The following STAU2 variants were observed in gnomAD, a reference collection of about 807,000 sequenced individuals.
The protein encoded by STAU2 is double-stranded RNA-binding protein Staufen homolog 2.
A neutral mutation model predicts 65.9 loss-of-function variants in STAU2; 20 were observed. The ratio of observed to expected loss-of-function variants is 0.30; its 90% confidence interval spans 0.21 to 0.44. The LOEUF (loss-of-function observed/expected upper bound fraction) is 0.44, where lower values mean the gene tolerates loss of function less well. STAU2 is among the 20% of genes least tolerant of loss of function. STAU2 has a pLI of 1.00. For missense variants in STAU2, 558 were observed against 683.9 expected (o/e 0.82, Z 2.05); for synonymous variants, 232 against 233.9 (o/e 0.99, Z 0.07).
At chr8:73,627,124 G>A (rs1187373756) in intron 6 of STAU2, among the ~76,000 whole-genome samples, 2 of 150,216 alleles carry the variant, frequency 1.3e-5, no homozygotes, top group Non-Finnish European at 3.0e-5. Flanking sequence ...GTTCCCCTGG[G>A]TGCTGCAGCA....
At chr8:73,495,849 T>C (rs1226677540) in intron 13 of STAU2, among the ~76,000 whole-genome samples, 1 of 151,382 alleles carries the variant, frequency 6.6e-6, no homozygotes, top group Non-Finnish European at 1.5e-5. Flanking sequence ...TTTGGAACTT[T>C]CTCTCACAAG....
chr8:73,507,512 A>G (rs1822135376), intron 13 of STAU2, among the ~76,000 whole-genome samples: 1 of 152,198 alleles, frequency 6.6e-6, no homozygotes, highest in Non-Finnish European at 1.5e-5. Flanking sequence ...GCTGTCATTC[A>G]GGCTTTGCTC....
At chr8:73,532,546 T>C (rs1292466404) in intron 13 of STAU2, among the ~76,000 whole-genome samples, 1 of 152,116 alleles carries the variant, frequency 6.6e-6, no homozygotes, top group African/African-American at 2.4e-5. Flanking sequence ...ACAGGTGTGG[T>C]GTGCCCAGGA....
At chr8:73,681,382 G>A (rs1036408684) in intron 5 of STAU2, among the ~76,000 whole-genome samples, 13 of 152,014 alleles carry the variant, frequency 8.6e-5, no homozygotes, top group Admixed American at 2.0e-4. Flanking sequence ...CATTAATGAC[G>A]GAAAGATAAA....
chr8:73,462,916 G>A (rs1029334044), intron 13 of STAU2, among the ~76,000 whole-genome samples: 1 of 152,118 alleles, frequency 6.6e-6, no homozygotes, highest in African/African-American at 2.4e-5. Context: ...AGCCAATGAT[G>A]GTGAAGAAAC....
intron 13 of STAU2, among the ~76,000 whole-genome samples, chr8:73,508,161 GCTAA>G (rs906890945): frequency 2.6e-5 from 4 of 152,126 alleles, no homozygotes; most frequent in African/African-American, 7.2e-5. Context: ...CCACAACTTG[GCTAA>G]CTATTTGGTA....
intron 6 of STAU2, among the ~76,000 whole-genome samples, chr8:73,660,385 C>T (rs895864736): frequency 6.6e-6 from 1 of 152,172 alleles, no homozygotes; most frequent in Non-Finnish European, 1.5e-5. Context: ...GCTGAGATCG[C>T]ATCATTGCAC....
chr8:73,463,595 C>G (rs1230354974), intron 13 of STAU2, among the ~76,000 whole-genome samples: 1 of 152,182 alleles, frequency 6.6e-6, no homozygotes, highest in Non-Finnish European at 1.5e-5. Flanking sequence ...TTTAGGTTTA[C>G]CGACTGATGT....
At chr8:73,719,623 T>C (rs1563527833) in intron 3 of STAU2, among the ~76,000 whole-genome samples, 2 of 152,222 alleles carry the variant, frequency 1.3e-5, no homozygotes. Flanking sequence ...ACACTACTGA[T>C]TTTTTGGAAC....
intron 4 of STAU2, among the ~76,000 whole-genome samples, chr8:73,695,695 G>A (rs1197953328): frequency 2.6e-5 from 4 of 152,090 alleles, no homozygotes; most frequent in South Asian, 2.1e-4. Context: ...CAGCATTTCC[G>A]GATCTACTTC....
intron 6 of STAU2, among the ~76,000 whole-genome samples, chr8:73,621,033 G>C (rs1813190590): frequency 6.6e-6 from 1 of 152,126 alleles, no homozygotes; most frequent in South Asian, 2.1e-4. Flanking sequence ...AGATCGATAT[G>C]TTCTATTTAG....
At chr8:73,458,394 T>C (rs1161397741) in intron 13 of STAU2, among the ~76,000 whole-genome samples, 1 of 152,258 alleles carries the variant, frequency 6.6e-6, no homozygotes, top group East Asian at 1.9e-4. Flanking sequence ...TTTTACTTTA[T>C]CAGTTCTTTG....
intron 13 of STAU2, among the ~76,000 whole-genome samples, chr8:73,538,901 A>G (rs984521940): frequency 6.6e-6 from 1 of 152,182 alleles, no homozygotes; most frequent in Non-Finnish European, 1.5e-5. Flanking sequence ...CATTTCTACC[A>G]CTACCTCAAC....
intron 6 of STAU2, among the ~76,000 whole-genome samples, chr8:73,644,126 T>C (rs1347590772): frequency 6.6e-6 from 1 of 152,068 alleles, no homozygotes; most frequent in Non-Finnish European, 1.5e-5. Flanking sequence ...TAAACATCAA[T>C]AACAAAGATA....
chr8:73,539,663 T>A (rs1216805112), intron 13 of STAU2, among the ~76,000 whole-genome samples: 2 of 151,882 alleles, frequency 1.3e-5, no homozygotes, highest in African/African-American at 4.8e-5. Context: ...ACCAATATGG[T>A]GAAACCCCAT....
intron 6 of STAU2, chr8:73,672,901 GAA>G (rs11287395): frequency 3.6e-3 from 1,079 of 296,986 alleles, no homozygotes; most frequent in East Asian, 0.012. Context: ...TGGGGTAGGG[GAA>G]AAAAAAAAAA....
intron 5 of STAU2, among the ~76,000 whole-genome samples, chr8:73,686,542 C>A (rs1818836505): frequency 7.1e-6 from 1 of 140,202 alleles, no homozygotes; most frequent in East Asian, 2.1e-4. Context: ...GAGCGAGACT[C>A]CCCCTCAAAA....
chr8:73,570,664 T>C (rs1451219994), intron 12 of STAU2, among the ~76,000 whole-genome samples: 1 of 151,988 alleles, frequency 6.6e-6, no homozygotes, highest in East Asian at 1.9e-4. Flanking sequence ...TCACCAAAGC[T>C]GAAATGAAGG....
intron 3 of STAU2, among the ~76,000 whole-genome samples, chr8:73,714,852 C>T (rs1474470199): frequency 2.0e-5 from 3 of 152,198 alleles, no homozygotes; most frequent in South Asian, 4.1e-4. Context: ...GAGGTCAAGG[C>T]GGGCAGATCA....
Sources: allele counts gnomAD v4.1 joint callset (sites outside exome capture counted in the v4.1 genomes callset), GRCh38; gene constraint gnomAD v4.1.1; transcripts MANE v1.5; gene names NCBI Gene and HGNC (gene_info 2026-07-23, HGNC 2026-07-21).